PPP1R9A: variants seen among roughly 807,000 people sequenced by gnomAD.
PPP1R9A encodes protein phosphatase 1 regulatory subunit 9A.
In PPP1R9A, 59 loss-of-function variants were observed where a neutral mutation model predicts 141.9. That is an observed-to-expected ratio of 0.42 (90% CI 0.34 to 0.52). The LOEUF is 0.52. PPP1R9A is among the 20% of genes least tolerant of loss of function. The pLI is 0.10. For synonymous variants in PPP1R9A, 500 were observed against 569.7 expected, an observed-to-expected ratio of 0.88 and a Z score of 1.74; for missense variants, 1,444 against 1,611.9, an observed-to-expected ratio of 0.90 and a Z score of 1.78.
chr7:95,043,660 C>G (rs1809579132), intron 2 of PPP1R9A, among the ~76,000 whole-genome samples: 1 of 152,186 alleles, frequency 6.6e-6, no homozygotes, highest in Non-Finnish European at 1.5e-5. Context: ...TGCTGCCTGT[C>G]TTACAACATA....
intron 7 of PPP1R9A, among the ~76,000 whole-genome samples, chr7:95,219,534 A>G (rs1003967251): frequency 4.6e-5 from 7 of 152,092 alleles, no homozygotes; most frequent in African/African-American, 1.7e-4. Flanking sequence ...AGATTGGGGA[A>G]GTTTTCCTGG....
chr7:94,971,522 G>A (rs854721), intron 2 of PPP1R9A, among the ~76,000 whole-genome samples: 19,411 of 152,088 alleles, frequency 0.13, 1,549 homozygotes, highest in Non-Finnish European at 0.19. Flanking sequence ...TTAGACTATC[G>A]TAGTCATCTT....
intron 2 of PPP1R9A, among the ~76,000 whole-genome samples, chr7:95,052,956 A>C (rs1024873895): frequency 6.6e-6 from 1 of 152,132 alleles, no homozygotes; most frequent in African/African-American, 2.4e-5. Flanking sequence ...TACCCTGGAA[A>C]AGCTCAAAAG....
intron 2 of PPP1R9A, among the ~76,000 whole-genome samples, chr7:94,962,905 A>G (rs991441361): frequency 5.3e-5 from 8 of 152,106 alleles, no homozygotes; most frequent in African/African-American, 1.9e-4. Flanking sequence ...TTGCCACAGA[A>G]TAACAGGATA....
At chr7:95,221,174 C>T (rs191065274) in intron 7 of PPP1R9A, among the ~76,000 whole-genome samples, 19 of 152,198 alleles carry the variant, frequency 1.2e-4, no homozygotes, top group African/African-American at 2.4e-4. Context: ...GCAACAATAG[C>T]GGTCACTCGT....
chr7:94,972,369 A>G (rs1238932369), intron 2 of PPP1R9A, among the ~76,000 whole-genome samples: 1 of 152,152 alleles, frequency 6.6e-6, no homozygotes, highest in Non-Finnish European at 1.5e-5. Flanking sequence ...AACCTTTCTT[A>G]GATGAAACAA....
At chr7:95,262,240 A>T (rs1800544682) in intron 12 of PPP1R9A, among the ~76,000 whole-genome samples, 1 of 152,190 alleles carries the variant, frequency 6.6e-6, no homozygotes, top group Non-Finnish European at 1.5e-5. Flanking sequence ...CCCATGACCC[A>T]GCTTATCCAC....
chr7:95,253,247 C>T (rs932985646), intron 12 of PPP1R9A, among the ~76,000 whole-genome samples: 3 of 152,100 alleles, frequency 2.0e-5, no homozygotes, highest in African/African-American at 7.2e-5. Flanking sequence ...TCAGAGGCAA[C>T]ACTTTGACGT....
At chr7:95,012,146 G>T (rs541465976) in intron 2 of PPP1R9A, among the ~76,000 whole-genome samples, 63 of 152,236 alleles carry the variant, frequency 4.1e-4, no homozygotes, top group Non-Finnish European at 7.4e-4. Context: ...CTGAGACTGA[G>T]TAATTTATAA....
chr7:94,982,578 A>T (rs1455288009), intron 2 of PPP1R9A, among the ~76,000 whole-genome samples: 2 of 152,178 alleles, frequency 1.3e-5, no homozygotes, highest in Non-Finnish European at 2.9e-5. Flanking sequence ...ATGACCAGTG[A>T]TGATGAGCAT....
At chr7:95,083,033 G>A (rs1015324814) in intron 2 of PPP1R9A, among the ~76,000 whole-genome samples, 7 of 151,852 alleles carry the variant, frequency 4.6e-5, no homozygotes, top group Non-Finnish European at 1.5e-5. Flanking sequence ...GGGATTACAG[G>A]CGTGAGCCAC....
chr7:95,129,222 C>G (rs895359294), intron 4 of PPP1R9A, among the ~76,000 whole-genome samples: 1 of 152,096 alleles, frequency 6.6e-6, no homozygotes, highest in African/African-American at 2.4e-5. Flanking sequence ...TCCCACAGTT[C>G]CCACATGTTG....
At chr7:94,971,164 C>A (rs1334526781) in intron 2 of PPP1R9A, among the ~76,000 whole-genome samples, 1 of 152,120 alleles carries the variant, frequency 6.6e-6, no homozygotes, top group Non-Finnish European at 1.5e-5. Flanking sequence ...TGGTGAGTGC[C>A]TCAAGAGTGA....
In PPP1R9A at chr7:94,961,713, T is replaced by C. The variant is rs940715113; in HGVS notation, c.1395+50205T>C. ...TGTCCTTTTAGGCAGCAAAGTACTA[T>C]TTAAAGTATGAATTAAAGTATTTGG... On this transcript the variant is annotated intron_variant, in intron 2 of 19. Coordinates refer to ENST00000433360, the MANE Select transcript of PPP1R9A (RefSeq NM_001166160.2). Among the ~76,000 whole-genome samples, 8 of 152,022 alleles carry C rather than the reference T, an allele frequency of 5.3e-5. No homozygotes were observed. In the East Asian group the frequency reaches 1.4e-3, roughly 26 times the overall value.
chr7:94,917,096 G>A (rs1792174469), intron 2 of PPP1R9A, among the ~76,000 whole-genome samples: 1 of 152,082 alleles, frequency 6.6e-6, no homozygotes, highest in South Asian at 2.1e-4. Context: ...GATTATAGGC[G>A]TGAACCACTG....
At chr7:95,062,866 G>A (rs1427474448) in intron 2 of PPP1R9A, among the ~76,000 whole-genome samples, 1 of 152,184 alleles carries the variant, frequency 6.6e-6, no homozygotes, top group Non-Finnish European at 1.5e-5. Context: ...TATGAAAGGA[G>A]GAGTGTTGCT....
At chr7:95,108,627 C>T (rs1434544684) in intron 2 of PPP1R9A, among the ~76,000 whole-genome samples, 2 of 151,924 alleles carry the variant, frequency 1.3e-5, no homozygotes, top group Non-Finnish European at 2.9e-5. Context: ...CTAGATGTCT[C>T]AAAAATTATA....
chr7:94,951,474 T>A (rs1207631891), intron 2 of PPP1R9A, among the ~76,000 whole-genome samples: 16 of 152,142 alleles, frequency 1.1e-4, no homozygotes, highest in Non-Finnish European at 2.4e-4. Flanking sequence ...ATTGAACTTT[T>A]AAAATACATC....
At chr7:95,143,642 T>C (rs1327403763) in intron 4 of PPP1R9A, among the ~76,000 whole-genome samples, 3 of 152,184 alleles carry the variant, frequency 2.0e-5, no homozygotes, top group Admixed American at 2.0e-4. Context: ...TTCCTCCTTA[T>C]GAAACCCCTG....
Sources: gnomAD v4.1 joint callset for allele counts (sites outside exome capture counted in the v4.1 genomes callset) on GRCh38, gnomAD v4.1.1 for gene constraint, MANE v1.5 for transcripts, NCBI Gene and HGNC (gene_info 2026-07-23, HGNC 2026-07-21) for gene names.